Variants in COG6 observed in about 807,000 individuals in gnomAD.
COG6 encodes conserved oligomeric Golgi complex subunit 6.
Under a neutral mutation model 88.8 loss-of-function variants are expected in COG6, and 74 were observed. The observed-to-expected ratio is 0.83, with a 90% CI of 0.69 to 1.01. The LOEUF is 1.01. COG6 is among the 50% of genes least tolerant of loss of function. The pLI, the probability that COG6 is intolerant of heterozygous loss-of-function variation, is 0.00. For missense variants in COG6, 800 were observed against 797.9 expected, an observed-to-expected ratio of 1.00 and a Z score of -0.03; for synonymous variants, 286 against 278.7, an observed-to-expected ratio of 1.03 and a Z score of -0.26.
intron 18 of COG6, among the ~76,000 whole-genome samples, chr13:39,785,134 A>G (rs1182563333): frequency 1.3e-5 from 2 of 152,218 alleles, no homozygotes; most frequent in South Asian, 2.1e-4. Context: ...CTTTGGAAGA[A>G]GGATACTTGC....
In COG6 at chr13:39,679,635, A is replaced by G. The variant is rs928404232; in HGVS notation, c.623+15A>G. The G allele has an allele frequency of 2.0e-6, 3 of 1,508,270 alleles. No individual in the cohort carries two copies. Among genetic ancestry groups the G allele is most frequent in the African/African-American group, 2.7e-5 (2 of 72,864 alleles). The allele number at this position is 1,508,270 out of a possible 1,614,324, so 93.4% of individuals were successfully genotyped here. ...CAAACGGCAGGGTGAGTAACTGCTC[A>G]CTGAACTAATTGCATTGCTGCTTAT... On this transcript the variant is annotated intron_variant, in intron 6 of 18. Transcript: ENST00000455146.
At position 39,751,058 on chromosome 13, in the gene COG6, C is replaced by T. The variant is rs376817909; in HGVS notation, c.1939C>T (p.Arg647Ter). 14 of 1,613,626 alleles carry T rather than the reference C, an allele frequency of 8.7e-6. No individual in the cohort carries two copies. Among genetic ancestry groups the T allele is most frequent in the Middle Eastern group, 1.7e-4 (1 of 6,058 alleles). The change falls in exon 19 of 19, where the codon CGA becomes TGA. Residue 647 changes from arginine (R) to a stop codon, truncating the protein, a stop_gained. Transcript: ENST00000455146. LOFTEE classifies it high-confidence loss of function. ...EYKDPENILH[R>*]SPQQVQTLLS ...CAAAGATCCAGAGAACATTCTTCACCGATCGCCGCAGCAAGTGCAGACGCT... is the reference window on the plus strand; with the variant it reads ...CAAAGATCCAGAGAACATTCTTCACTGATCGCCGCAGCAAGTGCAGACGCT...
At chr13:39,669,608 TATA>T (rs1875495720) in intron 4 of COG6, among the ~76,000 whole-genome samples, 1 of 152,194 alleles carries the variant, frequency 6.6e-6, no homozygotes, top group South Asian at 2.1e-4. Flanking sequence ...GGAAAGCAAC[TATA>T]ATGTTAGGAA....
Position 39,655,899 on chromosome 13 carries a change from C to T in COG6, c.153+20C>T. The T allele has an allele frequency of 2.5e-6, 4 of 1,599,882 alleles. No homozygotes were observed. The highest frequency in any genetic ancestry group is 3.4e-6 in the Non-Finnish European group (4 of 1,174,622). On this transcript the variant is annotated intron_variant, in intron 1 of 18. Transcript: ENST00000455146. ...GACAAGGTAACCGGGGCTGGCGGGGCCGGAGTCACAGGTTCCTGCGGGGCT... is the reference window on the plus strand; with the variant it reads ...GACAAGGTAACCGGGGCTGGCGGGGTCGGAGTCACAGGTTCCTGCGGGGCT...
In COG6 at chr13:39,751,513, G is replaced by T. The variant is rs1374405370; in HGVS notation, c.*420G>T. The T allele has an allele frequency of 4.7e-6, 6 of 1,281,070 alleles. No homozygotes were observed. The African/African-American group carries it at 7.6e-5, about 16-fold the overall frequency. The allele number at this position is 1,281,070 out of a possible 1,614,324, so 79.4% of individuals were successfully genotyped here. A position where few individuals can be genotyped will look rare whatever the true frequency, so the allele number is the denominator to read the frequency against. Reference sequence around the variant, plus strand: ...TGTCTCCTTACCTAAAGATTCATTTGCTTTCTTTTAATATGAGTAGGCATA... The same window carrying T: ...TGTCTCCTTACCTAAAGATTCATTTTCTTTCTTTTAATATGAGTAGGCATA... On this transcript the variant is annotated 3_prime_UTR_variant, in exon 19 of 19. Transcript: ENST00000455146.
intron 18 of COG6, among the ~76,000 whole-genome samples, chr13:39,737,534 A>G (rs1879827861): frequency 1.3e-5 from 2 of 149,296 alleles, no homozygotes; most frequent in African/African-American, 5.0e-5. Context: ...CATCCAAGAT[A>G]CAGAACAAAG....
intron 18 of COG6, among the ~76,000 whole-genome samples, chr13:39,734,168 T>G (rs2138107943): frequency 6.6e-6 from 1 of 152,292 alleles, no homozygotes; most frequent in South Asian, 2.1e-4. Context: ...TTCTTGCTTT[T>G]CTAGTTCTTT....
At chr13:39,696,417 T>C (rs1215344439) in intron 12 of COG6, among the ~76,000 whole-genome samples, 2 of 151,852 alleles carry the variant, frequency 1.3e-5, no homozygotes, top group Non-Finnish European at 2.9e-5. Flanking sequence ...TGAGAAGATA[T>C]ATGTGTGTGT....
chr13:39,749,973 G>A (rs1195303249), intron 18 of COG6, among the ~76,000 whole-genome samples: 1 of 152,122 alleles, frequency 6.6e-6, no homozygotes, highest in East Asian at 1.9e-4. Flanking sequence ...CTGAAAGAGG[G>A]AAGAATAGAT....
chr13:39,666,762 A>G (rs776357813), intron 4 of COG6, among the ~76,000 whole-genome samples: 1 of 152,226 alleles, frequency 6.6e-6, no homozygotes, highest in Non-Finnish European at 1.5e-5. Flanking sequence ...CATTGCAGTT[A>G]AAATGGTAAC....
At chr13:39,706,107 A>C (rs932614841) in intron 13 of COG6, among the ~76,000 whole-genome samples, 2 of 151,132 alleles carry the variant, frequency 1.3e-5, no homozygotes, top group African/African-American at 4.9e-5. Flanking sequence ...TTAAAAACTT[A>C]AATTCCACAT....
intron 18 of COG6, among the ~76,000 whole-genome samples, chr13:39,736,645 C>T (rs1879762532): frequency 6.6e-6 from 1 of 152,142 alleles, no homozygotes; most frequent in South Asian, 2.1e-4. Context: ...GAGCCGAGAT[C>T]GTGCCATTGC....
chr13:39,779,157 T>G (rs537490652), intron 18 of COG6, among the ~76,000 whole-genome samples: 116 of 152,304 alleles, frequency 7.6e-4, no homozygotes, highest in African/African-American at 2.7e-3. Flanking sequence ...AAAATAGAAA[T>G]GACATTAGTA....
At chr13:39,661,725 A>G (rs1451593818) in intron 3 of COG6, among the ~76,000 whole-genome samples, 1 of 151,424 alleles carries the variant, frequency 6.6e-6, no homozygotes, top group African/African-American at 2.4e-5. Flanking sequence ...AAATAATTAT[A>G]TAATATATAC....
intron 8 of COG6, among the ~76,000 whole-genome samples, chr13:39,683,124 T>C (rs539999521): frequency 7.2e-5 from 11 of 152,312 alleles, no homozygotes; most frequent in Non-Finnish European, 1.6e-4. Flanking sequence ...TGTTACTTAC[T>C]GAGTACTATG....
intron 18 of COG6, among the ~76,000 whole-genome samples, chr13:39,784,951 G>C (rs1366560317): frequency 6.6e-6 from 1 of 152,136 alleles, no homozygotes; most frequent in African/African-American, 2.4e-5. Flanking sequence ...AATGTATTAG[G>C]GAAGAGCAAG....
chr13:39,688,765 C>T (rs1034841584), intron 10 of COG6, among the ~76,000 whole-genome samples: 14 of 152,164 alleles, frequency 9.2e-5, no homozygotes, highest in African/African-American at 3.4e-4. Context: ...GTCTTGTTTA[C>T]AGAATTCCAA....
At chr13:39,747,971 T>C (rs1175678070) in intron 18 of COG6, among the ~76,000 whole-genome samples, 1 of 152,230 alleles carries the variant, frequency 6.6e-6, no homozygotes, top group Non-Finnish European at 1.5e-5. Context: ...TCTTATTTTA[T>C]ACTTTTTATG....
intron 6 of COG6, 38 bp from the exon 7 acceptor site, chr13:39,679,937 G>A (rs893427347): frequency 1.8e-6 from 2 of 1,098,062 alleles, no homozygotes; most frequent in African/African-American, 3.2e-5. Context: ...TGTATCTGTT[G>A]ACTAAAGTTT....
Sources: allele counts gnomAD v4.1 joint callset (sites outside exome capture counted in the v4.1 genomes callset), GRCh38; gene constraint gnomAD v4.1.1; transcripts MANE v1.5; gene names NCBI Gene and HGNC (gene_info 2026-07-23, HGNC 2026-07-21).